Variants in GRIP1 observed in about 807,000 individuals in gnomAD.
The protein encoded by GRIP1 is glutamate receptor interacting protein 1.
Under a neutral mutation model 129.9 loss-of-function variants are expected in GRIP1, and 45 were observed. That is an observed-to-expected ratio of 0.35 (90% CI 0.27 to 0.44). The LOEUF is 0.44. Ranked by LOEUF, GRIP1 falls within the 20% of genes least tolerant of loss-of-function variation. The probability of loss-of-function intolerance (pLI) is 1.00; values close to 1 mark genes in which losing one functional copy is unlikely to be tolerated. For missense variants in GRIP1, 1,196 were observed against 1,396.8 expected (o/e 0.86, Z 2.29); for synonymous variants, 530 against 520.8 (o/e 1.02, Z -0.24).
chr12:66,987,660 C>G (rs878976366), intron 1 of GRIP1, among the ~76,000 whole-genome samples: 1 of 152,220 alleles, frequency 6.6e-6, no homozygotes, highest in African/African-American at 2.4e-5. Context: ...AGGAGCATTA[C>G]TTGAGCCTGG....
intron 1 of GRIP1, among the ~76,000 whole-genome samples, chr12:66,963,176 G>A (rs1021473597): frequency 2.8e-4 from 43 of 152,178 alleles, no homozygotes; most frequent in Admixed American, 1.6e-3. Context: ...TTAGCCAGGT[G>A]TGGTGGCATG....
At chr12:66,622,119 T>A (rs2065293773) in intron 1 of GRIP1, among the ~76,000 whole-genome samples, 1 of 152,178 alleles carries the variant, frequency 6.6e-6, no homozygotes. Context: ...TATCCTTTTT[T>A]TTCTTCTGGT....
chr12:66,806,729 A>C (rs987753997), upstream of GRIP1, among the ~76,000 whole-genome samples: 1 of 152,210 alleles, frequency 6.6e-6, no homozygotes, highest in Admixed American at 6.5e-5. Flanking sequence ...GAACTAATGC[A>C]GACAAAGTAA....
At chr12:66,642,109 A>C (rs2031983209) in intron 1 of GRIP1, among the ~76,000 whole-genome samples, 1 of 152,176 alleles carries the variant, frequency 6.6e-6, no homozygotes, top group South Asian at 2.1e-4. Context: ...AGGTTCTTAC[A>C]ATATAGTGTT....
chr12:66,868,300 GAGA>G (rs1238624064), intron 1 of GRIP1, among the ~76,000 whole-genome samples: 1 of 152,098 alleles, frequency 6.6e-6, no homozygotes, highest in Non-Finnish European at 1.5e-5. Context: ...TGAGATAGAG[GAGA>G]AGAAAGACAG....
chr12:66,605,062 T>TAC (rs1453121863), intron 1 of GRIP1, among the ~76,000 whole-genome samples: 29 of 128,894 alleles, frequency 2.2e-4, no homozygotes, highest in African/African-American at 7.7e-4. Context: ...TATATATATA[T>TAC]ATACATATAT....
In GRIP1 at chr12:66,795,195, T is replaced by C. The variant is rs143704224; in HGVS notation, c.-420+8858A>G. On this transcript the variant is annotated intron_variant, in intron 1 of 4. Coordinates refer to the GRIP1 transcript ENST00000538373. Reference sequence around the variant, plus strand: ...CAGAGCTGTAATCATTTGTAAAACTTTCCACTACAGCAATTTGTTAACCTA... The same window carrying C: ...CAGAGCTGTAATCATTTGTAAAACTCTCCACTACAGCAATTTGTTAACCTA... Among the ~76,000 whole-genome samples the C allele has an allele frequency of 6.4e-4, 98 of 152,320 alleles. No homozygotes were observed. The East Asian group carries it at 0.017, about 27-fold the overall frequency.
intron 1 of GRIP1, among the ~76,000 whole-genome samples, chr12:67,052,281 C>A (rs1473380721): frequency 1.3e-5 from 2 of 152,194 alleles, no homozygotes; most frequent in African/African-American, 2.4e-5. Context: ...CTCCAAACAT[C>A]CTGGAACTCA....
chr12:66,902,742 T>C (rs1387331085), intron 1 of GRIP1, among the ~76,000 whole-genome samples: 1 of 152,210 alleles, frequency 6.6e-6, no homozygotes, highest in Non-Finnish European at 1.5e-5. Context: ...TTTAATATAT[T>C]TGGATATAGA....
intron 1 of GRIP1, among the ~76,000 whole-genome samples, chr12:67,050,765 C>T (rs921920555): frequency 6.6e-6 from 1 of 152,068 alleles, no homozygotes; most frequent in Non-Finnish European, 1.5e-5. Flanking sequence ...TGTCCTATAA[C>T]CAAATAAATG....
intron 23 of GRIP1, among the ~76,000 whole-genome samples, chr12:66,358,044 C>T (rs892976619): frequency 6.6e-6 from 1 of 152,144 alleles, no homozygotes; most frequent in Non-Finnish European, 1.5e-5. Context: ...CAGGCACCTG[C>T]CCCTACGCCC....
chr12:66,476,827 GC>G (rs1337126573), intron 7 of GRIP1, among the ~76,000 whole-genome samples: 5 of 152,056 alleles, frequency 3.3e-5, no homozygotes, highest in African/African-American at 4.8e-5. Flanking sequence ...ATATTCAACA[GC>G]CCTTCATGCT....
In GRIP1 at chr12:66,742,504, C is replaced by T. The variant is rs114359954; in HGVS notation, c.-420+61549G>A. On this transcript the variant is annotated intron_variant, in intron 1 of 4. Transcript: ENST00000538373. ...TTATAAAGTCAAGTAAAAACAACAA[C>T]AGCACTTCCAGGATCATCTTGAAGA... 3.4e-3 allele frequency among the ~76,000 whole-genome samples: 514 copies of T among 152,218 alleles called. 3 individuals are homozygous for T. The highest frequency in any genetic ancestry group is 0.012 in the African/African-American group (489 of 41,540).
chr12:66,791,577 C>A (rs927173853), intron 1 of GRIP1, among the ~76,000 whole-genome samples: 1 of 152,042 alleles, frequency 6.6e-6, no homozygotes, highest in Non-Finnish European at 1.5e-5. Flanking sequence ...GATGAAGTCT[C>A]GAGGAGAAAC....
intron 7 of GRIP1, among the ~76,000 whole-genome samples, chr12:66,508,852 A>T (rs1482162300): frequency 9.2e-5 from 14 of 152,200 alleles, no homozygotes; most frequent in African/African-American, 3.4e-4. Flanking sequence ...GAAGGAAGTT[A>T]TAAAATAGAC....
intron 23 of GRIP1, among the ~76,000 whole-genome samples, chr12:66,355,302 T>C (rs2054432197): frequency 6.6e-6 from 1 of 151,850 alleles, no homozygotes; most frequent in Non-Finnish European, 1.5e-5. Context: ...TTTCACAGGA[T>C]AGAGTGATAA....
chr12:66,526,292 C>CA (rs1378985586), intron 5 of GRIP1, among the ~76,000 whole-genome samples: 2 of 152,096 alleles, frequency 1.3e-5, no homozygotes, highest in Admixed American at 1.3e-4. Context: ...TACAAGGCTA[C>CA]AGTAACCAAA....
intron 2 of GRIP1, among the ~76,000 whole-genome samples, chr12:66,560,045 G>A (rs1342032666): frequency 6.6e-6 from 1 of 151,894 alleles, no homozygotes; most frequent in African/African-American, 2.4e-5. Flanking sequence ...TTTCAACAAA[G>A]GTGCCAAGAA....
At position 66,769,169 on chromosome 12, in the gene GRIP1, G is replaced by C. The variant is rs147930751; in HGVS notation, c.-420+34884C>G. ...CGGATGCTGTGGAGGGACCATATTT[G>C]AGGATCACTGCCTCCATCAAAGGTA... On this transcript the variant is annotated intron_variant, in intron 1 of 4. Coordinates refer to the GRIP1 transcript ENST00000538373. 4.6e-3 allele frequency among the ~76,000 whole-genome samples: 700 copies of C among 152,110 alleles called. 3 individuals carry two copies. The highest frequency in any genetic ancestry group is 9.4e-3 in the Admixed American group (144 of 15,282).
Sources: allele counts gnomAD v4.1 joint callset (sites outside exome capture counted in the v4.1 genomes callset), GRCh38; gene constraint gnomAD v4.1.1; transcripts MANE v1.5; gene names NCBI Gene and HGNC (gene_info 2026-07-23, HGNC 2026-07-21).